RBFOX1: variants seen among roughly 807,000 people sequenced by gnomAD.
The protein encoded by RBFOX1 is RNA binding protein fox-1 homolog 1.
RBFOX1 carries 8 observed loss-of-function variants against 57.7 expected under a neutral mutation model. That is an observed-to-expected ratio of 0.14 (90% CI 0.08 to 0.25). The LOEUF (loss-of-function observed/expected upper bound fraction) is 0.25. Ranked by LOEUF, RBFOX1 falls within the 10% of genes least tolerant of loss-of-function variation. The pLI, the probability that RBFOX1 is intolerant of heterozygous loss-of-function variation, is 1.00. For synonymous variants in RBFOX1, 326 were observed against 222.4 expected (o/e 1.47, Z -4.15); for missense variants, 611 against 548.5 (o/e 1.11, Z -1.14).
intron 4 of RBFOX1, among the ~76,000 whole-genome samples, chr16:7,359,068 G>T (rs1443602138): frequency 6.6e-6 from 1 of 152,152 alleles, no homozygotes; most frequent in Non-Finnish European, 1.5e-5. Context: ...GTAATTGTCA[G>T]CTACAGCATA....
intron 10 of RBFOX1, among the ~76,000 whole-genome samples, chr16:7,613,971 T>C (rs893147940): frequency 1.3e-5 from 2 of 152,204 alleles, no homozygotes; most frequent in African/African-American, 4.8e-5. Context: ...GCATGCCCTG[T>C]TTGGGATGAA....
At chr16:6,446,815 G>A (rs975999459) in intron 2 of RBFOX1, among the ~76,000 whole-genome samples, 1 of 152,158 alleles carries the variant, frequency 6.6e-6, no homozygotes, top group Non-Finnish European at 1.5e-5. Context: ...GAGGTGTCCT[G>A]ATGCAATTAT....
intron 9 of RBFOX1, among the ~76,000 whole-genome samples, chr16:7,599,267 T>G (rs1336370704): frequency 6.6e-6 from 1 of 152,246 alleles, no homozygotes; most frequent in Non-Finnish European, 1.5e-5. Context: ...GGCATAGTCT[T>G]TAATTATGAA....
intron 1 of RBFOX1, among the ~76,000 whole-genome samples, chr16:6,116,771 G>A (rs921838077): frequency 5.3e-5 from 8 of 152,252 alleles, no homozygotes; most frequent in South Asian, 2.1e-4. Flanking sequence ...CAGAACTCCC[G>A]TGAATAAGAT....
At chr16:7,303,198 G>A (rs531304955) in intron 4 of RBFOX1, among the ~76,000 whole-genome samples, 26 of 152,346 alleles carry the variant, frequency 1.7e-4, no homozygotes, top group African/African-American at 5.5e-4. Context: ...GGGGCTGCCT[G>A]CCCAACCAAG....
intron 1 of RBFOX1, among the ~76,000 whole-genome samples, chr16:6,125,909 G>A (rs1171992123): frequency 1.3e-5 from 2 of 152,120 alleles, no homozygotes; most frequent in Non-Finnish European, 2.9e-5. Context: ...TTAAAAAAGT[G>A]ATTTCCAGTT....
intron 2 of RBFOX1, among the ~76,000 whole-genome samples, chr16:6,620,995 T>A (rs1330114038): frequency 6.6e-6 from 1 of 152,208 alleles, no homozygotes; most frequent in Non-Finnish European, 1.5e-5. Context: ...CAGGGTTGAT[T>A]CCTACTAGAG....
intron 2 of RBFOX1, among the ~76,000 whole-genome samples, chr16:5,499,307 C>G (rs958983690): frequency 5.3e-5 from 8 of 152,164 alleles, no homozygotes; most frequent in South Asian, 2.1e-4. Flanking sequence ...GCTGGTCAGC[C>G]TGTCCTGGCA....
chr16:6,318,620 C>T (rs1009665854), intron 2 of RBFOX1, among the ~76,000 whole-genome samples: 2 of 152,032 alleles, frequency 1.3e-5, no homozygotes, highest in African/African-American at 4.8e-5. Flanking sequence ...CTGTTCCAAC[C>T]CTGCACTGGG....
chr16:6,225,000 C>G (rs1005780251), intron 1 of RBFOX1, among the ~76,000 whole-genome samples: 1 of 109,048 alleles, frequency 9.2e-6, no homozygotes, highest in African/African-American at 3.8e-5. Context: ...GCCTGGGCAA[C>G]AAGAGCAAAA....
chr16:6,275,614 T>A lies in RBFOX1; in HGVS notation c.-126-41381T>A, dbSNP rs1189833642. Among the ~76,000 whole-genome samples the A allele has an allele frequency of 2.6e-5, 4 of 152,176 alleles. No individual in the cohort carries two copies. The East Asian group carries it at 7.7e-4, about 29-fold the overall frequency. On this transcript the variant is annotated intron_variant, in intron 1 of 15. Transcript: ENST00000550418. Reference sequence around the variant, plus strand: ...CACATCTGTACATATAGTCCTAAAGTCTATATTTATTTCCATTGTGTACTG... The same window carrying A: ...CACATCTGTACATATAGTCCTAAAGACTATATTTATTTCCATTGTGTACTG...
rs9673633 is a variant in RBFOX1 at position 7,105,696 on chromosome 16, A to T, written c.27+53598A>T. 9.2e-4 allele frequency among the ~76,000 whole-genome samples: 139 copies of T among 151,784 alleles called. 1 individual carries two copies. Among genetic ancestry groups the T allele is most frequent in the Middle Eastern group, 3.4e-3 (1 of 294 alleles). On this transcript the variant is annotated intron_variant, in intron 4 of 15. Transcript: ENST00000550418. Reference sequence around the variant, plus strand: ...ATCATATCTATCTGTCTATCTCTCTATATATATCTATCTATATATGGAGAT... The same window carrying T: ...ATCATATCTATCTGTCTATCTCTCTTTATATATCTATCTATATATGGAGAT...
chr16:5,914,351 T>G (rs1046379467), intron 4 of RBFOX1, among the ~76,000 whole-genome samples: 2 of 152,228 alleles, frequency 1.3e-5, no homozygotes, highest in African/African-American at 4.8e-5. Context: ...GTTCCCCTGG[T>G]GCAGGATCTC....
intron 4 of RBFOX1, among the ~76,000 whole-genome samples, chr16:7,389,265 A>G (rs1465940058): frequency 6.6e-6 from 1 of 152,088 alleles, no homozygotes; most frequent in Non-Finnish European, 1.5e-5. Flanking sequence ...AGCTGGCAGC[A>G]CAGGTGTGTG....
At chr16:7,436,710 A>T (rs1177183851) in intron 4 of RBFOX1, among the ~76,000 whole-genome samples, 1 of 152,180 alleles carries the variant, frequency 6.6e-6, no homozygotes, top group Non-Finnish European at 1.5e-5. Flanking sequence ...CTGACCTCCC[A>T]TCTCAGTGAA....
chr16:6,723,137 T>C (rs1161955350), intron 3 of RBFOX1, among the ~76,000 whole-genome samples: 2 of 152,174 alleles, frequency 1.3e-5, no homozygotes. Context: ...TTGCTGATGC[T>C]CTGTAAAACT....
intron 2 of RBFOX1, among the ~76,000 whole-genome samples, chr16:6,634,346 C>G (rs12927034): frequency 0.064 from 9,661 of 152,066 alleles, 398 homozygotes; most frequent in Non-Finnish European, 0.092. Context: ...TGTCCCAGAT[C>G]CAACAACTGT....
At chr16:5,439,669 T>C (rs2068025866) in intron 1 of RBFOX1, among the ~76,000 whole-genome samples, 2 of 152,106 alleles carry the variant, frequency 1.3e-5, no homozygotes, top group African/African-American at 4.8e-5. Context: ...CGGGCCTCAC[T>C]CCTGGCCTCA....
At chr16:7,312,519 A>C (rs2096338949) in intron 4 of RBFOX1, among the ~76,000 whole-genome samples, 1 of 152,216 alleles carries the variant, frequency 6.6e-6, no homozygotes, top group South Asian at 2.1e-4. Flanking sequence ...TGGCCTGCCA[A>C]GGACACAGAC....
Sources: gnomAD v4.1 joint callset for allele counts (sites outside exome capture counted in the v4.1 genomes callset) on GRCh38, gnomAD v4.1.1 for gene constraint, MANE v1.5 for transcripts, NCBI Gene and HGNC (gene_info 2026-07-23, HGNC 2026-07-21) for gene names.